MSRA: variants seen among roughly 807,000 people sequenced by gnomAD.
The protein encoded by MSRA is mitochondrial peptide methionine sulfoxide reductase.
Under a neutral mutation model 31.3 loss-of-function variants are expected in MSRA, and 54 were observed. The observed-to-expected ratio is 1.73, with a 90% CI of 1.39 to 2.17. The LOEUF is 2.17. MSRA is among the 30% of genes most tolerant of loss of function. The pLI is 0.00. For synonymous variants in MSRA, 169 were observed against 116.5 expected (o/e 1.45, Z -2.90); for missense variants, 507 against 300.9 (o/e 1.69, Z -5.07).
intron 3 of MSRA, among the ~76,000 whole-genome samples, chr8:10,272,068 C>T (rs1254907505): frequency 2.0e-5 from 3 of 152,170 alleles, no homozygotes; most frequent in East Asian, 1.9e-4. Flanking sequence ...CTCTTCTATT[C>T]TCCAACCATG....
intron 1 of MSRA, among the ~76,000 whole-genome samples, chr8:10,128,868 C>T (rs777547602): frequency 2.7e-4 from 41 of 152,254 alleles, no homozygotes; most frequent in Non-Finnish European, 5.0e-4. Context: ...TCATCAAAAG[C>T]TTGTTATTAT....
At chr8:10,210,687 T>C (rs746013042) in intron 2 of MSRA, among the ~76,000 whole-genome samples, 3 of 152,156 alleles carry the variant, frequency 2.0e-5, no homozygotes, top group Non-Finnish European at 4.4e-5. Context: ...TTCTTCAGCC[T>C]TGGAGGTCTT....
chr8:10,320,223 C>G, intron 5 of MSRA: 3 of 320,344 alleles, frequency 9.4e-6, no homozygotes, highest in Non-Finnish European at 1.1e-5. Flanking sequence ...AATCCCAGTA[C>G]TTTGGGGGGC....
chr8:10,158,701 A>G (rs1408548100), intron 1 of MSRA, among the ~76,000 whole-genome samples: 1 of 151,898 alleles, frequency 6.6e-6, no homozygotes, highest in Non-Finnish European at 1.5e-5. Flanking sequence ...ATTTGTGTAC[A>G]GTTTTTTTTG....
chr8:10,365,200 T>C (rs1175542027), intron 5 of MSRA, among the ~76,000 whole-genome samples: 5 of 147,798 alleles, frequency 3.4e-5, no homozygotes, highest in Non-Finnish European at 7.4e-5. Context: ...CAGCTAATTA[T>C]CATCTTTTTT....
At chr8:10,124,513 G>A (rs1801358411) in intron 1 of MSRA, among the ~76,000 whole-genome samples, 1 of 152,180 alleles carries the variant, frequency 6.6e-6, no homozygotes, top group Admixed American at 6.5e-5. Context: ...TTCTAAAAGT[G>A]ACTGGTGCCA....
At chr8:10,402,611 G>A (rs1234877620) in intron 5 of MSRA, among the ~76,000 whole-genome samples, 1 of 152,216 alleles carries the variant, frequency 6.6e-6, no homozygotes, top group Admixed American at 6.5e-5. Context: ...GCTAGCTCGG[G>A]GAGAGGGATA....
chr8:10,191,252 C>T (rs989082163), intron 1 of MSRA, among the ~76,000 whole-genome samples: 2 of 152,176 alleles, frequency 1.3e-5, no homozygotes, highest in African/African-American at 2.4e-5. Flanking sequence ...CTTTTTACTT[C>T]TGTCTAGTCA....
At chr8:10,192,831 C>G (rs533739529) in intron 1 of MSRA, among the ~76,000 whole-genome samples, 1 of 151,660 alleles carries the variant, frequency 6.6e-6, no homozygotes, top group African/African-American at 2.4e-5. Context: ...GGAGGCCCTT[C>G]TGGGCAAGTT....
At chr8:10,063,054 A>C (rs1797287658) in intron 1 of MSRA, among the ~76,000 whole-genome samples, 2 of 152,184 alleles carry the variant, frequency 1.3e-5, no homozygotes, top group Non-Finnish European at 1.5e-5. Context: ...TTCTGTTTCC[A>C]AATACGAGAT....
At chr8:10,423,674 G>A (rs1808951377) in intron 5 of MSRA, among the ~76,000 whole-genome samples, 1 of 152,216 alleles carries the variant, frequency 6.6e-6, no homozygotes, top group Admixed American at 6.5e-5. Context: ...TGTGCTCCCT[G>A]CAAGGACACA....
chr8:10,352,912 G>C (rs1384184015), intron 5 of MSRA, among the ~76,000 whole-genome samples: 1 of 151,940 alleles, frequency 6.6e-6, no homozygotes, highest in Non-Finnish European at 1.5e-5. Context: ...AGAGCATCCC[G>C]TGCTGCCCAG....
chr8:10,278,691 A>T (rs1451224421), intron 3 of MSRA, among the ~76,000 whole-genome samples: 2 of 152,198 alleles, frequency 1.3e-5, no homozygotes, highest in Admixed American at 1.3e-4. Flanking sequence ...TAGAGATGAG[A>T]GATAGAGCTC....
chr8:10,167,694 G>A (rs969079590), intron 1 of MSRA, among the ~76,000 whole-genome samples: 1 of 152,132 alleles, frequency 6.6e-6, no homozygotes, highest in African/African-American at 2.4e-5. Flanking sequence ...CTGTGTCTTA[G>A]GTTCATCTTA....
At chr8:10,078,431 G>A (rs1798106734) in intron 1 of MSRA, among the ~76,000 whole-genome samples, 3 of 152,218 alleles carry the variant, frequency 2.0e-5, no homozygotes, top group African/African-American at 7.2e-5. Flanking sequence ...CCTTGGCGCA[G>A]CCCCGTTCAC....
intron 5 of MSRA, among the ~76,000 whole-genome samples, chr8:10,417,997 TGG>T (rs2129193118): frequency 6.6e-6 from 1 of 152,292 alleles, no homozygotes; most frequent in Admixed American, 6.5e-5. Context: ...GCAGCTGTGC[TGG>T]CTCCCGGACA....
chr8:10,226,683 G>A (rs902128894), intron 2 of MSRA, among the ~76,000 whole-genome samples: 1 of 152,196 alleles, frequency 6.6e-6, no homozygotes, highest in African/African-American at 2.4e-5. Flanking sequence ...TGCCATATGT[G>A]TGCATATATG....
At chr8:10,363,645 A>T (rs772225697) in intron 5 of MSRA, among the ~76,000 whole-genome samples, 12 of 151,952 alleles carry the variant, frequency 7.9e-5, no homozygotes, top group South Asian at 2.1e-4. Context: ...CAGGTCCTAA[A>T]TGTTTACTGA....
intron 5 of MSRA, among the ~76,000 whole-genome samples, chr8:10,400,702 C>A (rs1364086068): frequency 6.6e-6 from 1 of 152,112 alleles, no homozygotes. Flanking sequence ...GAAGGCTGAA[C>A]CCTCACATCT....
Sources: allele counts gnomAD v4.1 joint callset (sites outside exome capture counted in the v4.1 genomes callset), GRCh38; gene constraint gnomAD v4.1.1; transcripts MANE v1.5; gene names NCBI Gene and HGNC (gene_info 2026-07-23, HGNC 2026-07-21).